CHN2: variants seen among roughly 807,000 people sequenced by gnomAD.
The protein encoded by CHN2 is beta-chimaerin.
In CHN2, 35 loss-of-function variants were observed where a neutral mutation model predicts 56.3. That is an observed-to-expected ratio of 0.62 (90% confidence interval 0.47 to 0.82). The LOEUF (loss-of-function observed/expected upper bound fraction) is 0.82, where lower values mean the gene tolerates loss of function less well. CHN2 is among the 40% of genes least tolerant of loss of function. The probability of loss-of-function intolerance (pLI) is 0.00; values close to 1 mark genes in which losing one functional copy is unlikely to be tolerated. For missense variants in CHN2, 491 were observed against 580.5 expected (o/e 0.85, Z 1.58); for synonymous variants, 210 against 212.8 (o/e 0.99, Z 0.12).
rs758485827 is a variant in CHN2, at chr7:29,400,624, T to C, written c.372T>C (p.His124=). Residue 124 remains histidine (H), a synonymous_variant, in exon 6 of 13, where the codon CAT becomes CAC. Transcript: ENST00000222792. The part of the protein sequence containing the change: ...FVGEKRFESI[H]DLVTDGLITL... ...GTGAGAAGAGGTTTGAGTCGATTCATGATCTGGTGACAGATGGCTTGATAA... is the reference window on the plus strand; with the variant it reads ...GTGAGAAGAGGTTTGAGTCGATTCACGATCTGGTGACAGATGGCTTGATAA... 6.2e-7 allele frequency: 1 copy of C among 1,614,184 alleles called. No homozygotes were observed. Among genetic ancestry groups the C allele is most frequent in the Non-Finnish European group, 8.5e-7 (1 of 1,180,022 alleles).
chr7:29,170,039 C>A (rs1026955877), intron 2 of CHN2, among the ~76,000 whole-genome samples: 1 of 151,914 alleles, frequency 6.6e-6, no homozygotes, highest in South Asian at 2.1e-4. Context: ...CCATGCCCAG[C>A]TGTGGTGTCC....
At chr7:29,198,396 A>AG (rs1431600164) in intron 1 of CHN2, among the ~76,000 whole-genome samples, 8 of 152,232 alleles carry the variant, frequency 5.3e-5, no homozygotes, top group African/African-American at 1.9e-4. Context: ...CAAATGTGTC[A>AG]TTTATTCTAT....
In CHN2 at chr7:29,373,630, C is replaced by A. The variant is rs569374890; in HGVS notation, c.144+5643C>A. Among the ~76,000 whole-genome samples, 117 of 152,212 alleles carry A rather than the reference C, an allele frequency of 7.7e-4. 1 individual carries two copies. The highest frequency in any genetic ancestry group is 1.5e-3 in the Non-Finnish European group (99 of 68,008). On this transcript the variant is annotated intron_variant, in intron 3 of 12. Coordinates refer to ENST00000222792, the MANE Select transcript of CHN2 (RefSeq NM_004067.4). Reference sequence around the variant, plus strand: ...GTTCTAAATATCTACTGATTTTACTCTTTTCTATCTTTATTTCTAAAAACT... The same window carrying A: ...GTTCTAAATATCTACTGATTTTACTATTTTCTATCTTTATTTCTAAAAACT...
chr7:29,374,197 A>T (rs1799844850), intron 3 of CHN2, among the ~76,000 whole-genome samples: 1 of 152,084 alleles, frequency 6.6e-6, no homozygotes, highest in Admixed American at 6.6e-5. Flanking sequence ...CTTTCCCATC[A>T]TTATTCCTCC....
intron 1 of CHN2, among the ~76,000 whole-genome samples, chr7:29,223,376 G>A (rs1234367772): frequency 6.6e-6 from 1 of 152,014 alleles, no homozygotes; most frequent in Non-Finnish European, 1.5e-5. Flanking sequence ...ATACCATCCA[G>A]GTAGATGTAG....
At chr7:29,173,799 A>T (rs1177020136) in intron 2 of CHN2, among the ~76,000 whole-genome samples, 5 of 150,074 alleles carry the variant, frequency 3.3e-5, no homozygotes, top group African/African-American at 1.2e-4. Context: ...AAATTAGTCG[A>T]GTGTGGTGGT....
intron 6 of CHN2, among the ~76,000 whole-genome samples, chr7:29,412,748 CGAGA>C (rs1207460883): frequency 1.3e-5 from 2 of 152,194 alleles, no homozygotes; most frequent in African/African-American, 4.8e-5. Context: ...GATGTGGCCA[CGAGA>C]GCCCTCTGTT....
In CHN2 at chr7:29,456,809, C is replaced by T. The variant is rs539468618; in HGVS notation, c.577-23470C>T. ...ATGCAGGCATTTAGGGCACAGGGAG[C>T]GTGCAGACTCAGGCCCTGGTGGCTG... On this transcript the variant is annotated intron_variant, in intron 6 of 12. Transcript: ENST00000222792. 1.3e-3 allele frequency among the ~76,000 whole-genome samples: 205 copies of T among 152,182 alleles called. 1 individual carries two copies. Among genetic ancestry groups the T allele is most frequent in the African/African-American group, 4.7e-3 (194 of 41,520 alleles).
intron 1 of CHN2, among the ~76,000 whole-genome samples, chr7:29,353,347 G>A (rs1039730584): frequency 5.9e-5 from 9 of 152,176 alleles, no homozygotes; most frequent in Non-Finnish European, 1.0e-4. Flanking sequence ...ACCTTTCTTC[G>A]TGAATGAGTT....
chr7:29,163,318 T>C lies in CHN2; in HGVS notation c.274+16358T>C, dbSNP rs186359624. On this transcript the variant is annotated intron_variant, in intron 2 of 6. Transcript: ENST00000439384. ...TAAAATACTTCGCTTATAGTTTTTA[T>C]ATTGATTAAAATACTCTATATTGAA... Among the ~76,000 whole-genome samples the C allele has an allele frequency of 1.7e-3, 264 of 152,228 alleles. 1 individual carries two copies. The highest frequency in any genetic ancestry group is 6.1e-3 in the African/African-American group (253 of 41,574).
At chr7:29,153,674 A>G (rs552760177) in intron 2 of CHN2, among the ~76,000 whole-genome samples, 4 of 152,296 alleles carry the variant, frequency 2.6e-5, no homozygotes, top group Admixed American at 2.6e-4. Flanking sequence ...GGTTCAAGGA[A>G]TTCTCATGCC....
At chr7:29,247,718 G>T (rs1197014885) in intron 1 of CHN2, among the ~76,000 whole-genome samples, 2 of 152,218 alleles carry the variant, frequency 1.3e-5, no homozygotes, top group Non-Finnish European at 2.9e-5. Context: ...GACCTTGGTG[G>T]TATCACCGCC....
intron 1 of CHN2, among the ~76,000 whole-genome samples, chr7:29,244,098 G>T (rs1166814728): frequency 2.0e-5 from 3 of 152,148 alleles, no homozygotes; most frequent in Non-Finnish European, 4.4e-5. Context: ...GTGGGTTAAT[G>T]CATTATTTTC....
intron 7 of CHN2, among the ~76,000 whole-genome samples, chr7:29,481,018 G>A (rs1002890597): frequency 6.6e-6 from 1 of 152,172 alleles, no homozygotes; most frequent in African/African-American, 2.4e-5. Context: ...CGCTATGTTC[G>A]TTTCAGACTG....
intron 1 of CHN2, among the ~76,000 whole-genome samples, chr7:29,220,201 C>T (rs1416254728): frequency 6.7e-6 from 1 of 150,372 alleles, no homozygotes; most frequent in African/African-American, 2.5e-5. Context: ...ACCGGGGAGG[C>T]AGAGGTTGCA....
intron 1 of CHN2, among the ~76,000 whole-genome samples, chr7:29,337,987 G>A (rs1796752332): frequency 6.6e-6 from 1 of 152,222 alleles, no homozygotes; most frequent in Admixed American, 6.5e-5. Flanking sequence ...GAGGCTTCAA[G>A]AATCAGAGCC....
intron 2 of CHN2, among the ~76,000 whole-genome samples, chr7:29,365,108 TCGGAAGA>T (rs1419396952): frequency 6.6e-6 from 1 of 152,182 alleles, no homozygotes; most frequent in African/African-American, 2.4e-5. Flanking sequence ...ATGGTATCCA[TCGGAAGA>T]CGTACCATAG....
At chr7:29,186,950 A>G (rs779349274) in intron 2 of CHN2, among the ~76,000 whole-genome samples, 9 of 152,180 alleles carry the variant, frequency 5.9e-5, no homozygotes, top group Non-Finnish European at 1.3e-4. Context: ...GATATTATAT[A>G]AGTTTTCTAG....
At chr7:29,318,397 C>T (rs1795108856) in intron 1 of CHN2, among the ~76,000 whole-genome samples, 1 of 152,192 alleles carries the variant, frequency 6.6e-6, no homozygotes, top group African/African-American at 2.4e-5. Context: ...AAAATATTTT[C>T]TCTCCAGCCC....
Sources: gnomAD v4.1 joint callset for allele counts (sites outside exome capture counted in the v4.1 genomes callset) on GRCh38, gnomAD v4.1.1 for gene constraint, MANE v1.5 for transcripts, NCBI Gene and HGNC (gene_info 2026-07-23, HGNC 2026-07-21) for gene names.